CEP89: variants seen among roughly 807,000 people sequenced by gnomAD.
CEP89 encodes the protein centrosomal protein of 89 kDa.
Under a neutral mutation model 97.6 loss-of-function variants are expected in CEP89, and 95 were observed. The ratio of observed to expected loss-of-function variants is 0.97; its 90% CI spans 0.82 to 1.15. The LOEUF is 1.15. Among genes scored for constraint, CEP89 ranks in the 50% most tolerant of loss-of-function variants. The pLI is 0.00. For synonymous variants in CEP89, 354 were observed against 349.1 expected (o/e 1.01, Z -0.16); for missense variants, 869 against 947.7 (o/e 0.92, Z 1.09).
intron 4 of CEP89, among the ~76,000 whole-genome samples, chr19:32,949,800 G>A (rs955297398): frequency 6.6e-6 from 1 of 152,106 alleles, no homozygotes; most frequent in Non-Finnish European, 1.5e-5. Flanking sequence ...TAGCTGGGCT[G>A]CACTGCAGGC....
rs773669899 is a variant in CEP89 at position 32,879,261 on chromosome 19, A to C, written c.2253T>G (p.Ala751=). The C allele has an allele frequency of 8.7e-6, 14 of 1,614,176 alleles. No individual in the cohort carries two copies. The highest frequency in any genetic ancestry group is 1.2e-5 in the Non-Finnish European group (14 of 1,180,028). The part of the protein sequence containing the change: ...TRTGVQDNPR[A]LVAPSLNGVS... ...CGCCATTGAGGCTGGGGGCAACCAGAGCTCTGGGGTTGTCCTGCACGCCTG... is the reference window on the plus strand; with the variant it reads ...CGCCATTGAGGCTGGGGGCAACCAGCGCTCTGGGGTTGTCCTGCACGCCTG... The change falls in exon 19 of 19, where the codon GCT becomes GCG. Residue 751 remains alanine (A), a synonymous_variant. Coordinates refer to ENST00000305768, the MANE Select transcript of CEP89 (RefSeq NM_032816.5).
intron 12 of CEP89, 125 bp downstream of exon 12, chr19:32,923,313 CT>C (rs1259155801): frequency 3.9e-6 from 2 of 519,412 alleles, no homozygotes; most frequent in Non-Finnish European, 6.9e-6. Context: ...TTATTAATTT[CT>C]TAGAAACTCT....
rs552742475 is a variant in CEP89, at chr19:32,877,338, G to A, written c.*1824C>T. On this transcript the variant is annotated 3_prime_UTR_variant, in exon 19 of 19. Coordinates refer to ENST00000305768, the MANE Select transcript of CEP89 (RefSeq NM_032816.5). ...CTCCTTCCCACCTGAAACAAGGCAGGACTTCACTGCGAGGGGCTCTGAAAA... is the reference window on the plus strand; with the variant it reads ...CTCCTTCCCACCTGAAACAAGGCAGAACTTCACTGCGAGGGGCTCTGAAAA... The A allele has an allele frequency of 5.9e-5, 9 of 152,386 alleles. No individual in the cohort carries two copies. Among genetic ancestry groups the A allele is most frequent in the African/African-American group, 2.2e-4 (9 of 41,566 alleles). The allele number at this position is 152,386 out of a possible 1,614,324, so 9.4% of individuals were successfully genotyped here.
chr19:32,927,457 T>C (rs1970385107), intron 9 of CEP89, among the ~76,000 whole-genome samples: 1 of 152,168 alleles, frequency 6.6e-6, no homozygotes, highest in East Asian at 1.9e-4. Context: ...ATAGGCAGTG[T>C]GCCTAGAGTA....
chr19:32,965,315 C>T (rs999412398), intron 2 of CEP89, among the ~76,000 whole-genome samples: 2 of 152,026 alleles, frequency 1.3e-5, no homozygotes, highest in Non-Finnish European at 2.9e-5. Context: ...ACAGGAGGAT[C>T]GCTTGATGCT....
At chr19:32,931,301 A>T in intron 9 of CEP89, 128 bp downstream of exon 9, 1 of 809,692 alleles carries the variant, frequency 1.2e-6, no homozygotes, top group Non-Finnish European at 1.9e-6. Context: ...CCTTAGAAAC[A>T]TTGTGCCTTG....
intron 5 of CEP89, among the ~76,000 whole-genome samples, chr19:32,948,043 G>T (rs565938999): frequency 1.6e-4 from 24 of 152,276 alleles, no homozygotes; most frequent in African/African-American, 5.5e-4. Flanking sequence ...TTGAGCTCAA[G>T]GGATCCTCCA....
Position 32,878,971 on chromosome 19 carries a change from A to AAT in CEP89, c.*190_*191insAT, listed in dbSNP as rs1264638287. ...AGTGAGACCCTAGCTCTAAAAAAAA[A>AAT]AAAAAATTAAAAAATAAAGCAAAAT... On this transcript the variant is annotated 3_prime_UTR_variant, in exon 19 of 19. Coordinates refer to ENST00000305768, the MANE Select transcript of CEP89 (RefSeq NM_032816.5). 2.4e-4 allele frequency: 112 copies of AAT among 464,936 alleles called. 1 individual carries two copies. Among genetic ancestry groups the AAT allele is most frequent in the Non-Finnish European group, 3.2e-4 (84 of 266,146 alleles). The allele number at this position is 464,936 out of a possible 1,614,324, so 28.8% of individuals were successfully genotyped here. A position where few individuals can be genotyped will look rare whatever the true frequency, so the allele number is the denominator to read the frequency against.
At chr19:32,901,501 C>T in intron 14 of CEP89, 89 bp from the exon 15 acceptor site, 2 of 1,352,212 alleles carry the variant, frequency 1.5e-6, no homozygotes, top group Non-Finnish European at 1.0e-6. Context: ...GTGATAACAG[C>T]CCAGCCCTCC....
chr19:32,947,519 T>G (rs1970822141), intron 5 of CEP89, among the ~76,000 whole-genome samples: 1 of 152,118 alleles, frequency 6.6e-6, no homozygotes, highest in Non-Finnish European at 1.5e-5. Flanking sequence ...GAGATGGGGT[T>G]TCACTCTGTC....
chr19:32,887,906 T>G, intron 16 of CEP89, 65 bp from the exon 17 acceptor site: 1 of 968,238 alleles, frequency 1.0e-6, no homozygotes, highest in Non-Finnish European at 1.6e-6. Context: ...AAACAATTAT[T>G]TTGCAAAGAG....
Position 32,933,648 on chromosome 19 carries a change from T to C in CEP89, c.689A>G (p.Gln230Arg), listed in dbSNP as rs1970523289. 1 of 1,610,364 alleles carries C rather than the reference T, an allele frequency of 6.2e-7. No individual in the cohort carries two copies. The highest frequency in any genetic ancestry group is 1.3e-5 in the African/African-American group (1 of 74,868). The change falls in exon 8 of 19, where the codon CAA (glutamine) becomes CGA (arginine). Residue 230 changes from glutamine to arginine, a missense_variant. Gln to Arg is a conservative substitution (Grantham distance 43). Transcript: ENST00000305768. ...PSPDITGRAR[Q>R]RYTEITREKF... ...TTCTCTGGTTATTTCTGTATATCTT[T>C]GACGTGCTCTACCAGTTATATCTGA...
chr19:32,950,919 A>C (rs1970899135), intron 4 of CEP89, among the ~76,000 whole-genome samples: 1 of 152,214 alleles, frequency 6.6e-6, no homozygotes, highest in Non-Finnish European at 1.5e-5. Flanking sequence ...GTCTAATTAA[A>C]TGCATGTAAA....
intron 14 of CEP89, among the ~76,000 whole-genome samples, chr19:32,911,353 T>C (rs1415140029): frequency 1.3e-5 from 2 of 152,208 alleles, no homozygotes; most frequent in South Asian, 2.1e-4. Context: ...CTTCCTCTAC[T>C]ACAACAAAAA....
intron 14 of CEP89, among the ~76,000 whole-genome samples, chr19:32,902,864 A>G (rs2145890842): frequency 6.6e-6 from 1 of 152,372 alleles, no homozygotes; most frequent in South Asian, 2.1e-4. Flanking sequence ...AGGCAGAACA[A>G]TTTCTGACAT....
At chr19:32,960,146 C>T (rs1056844156) in intron 2 of CEP89, 88 bp from the exon 3 acceptor site, 65 of 1,404,714 alleles carry the variant, frequency 4.6e-5, no homozygotes, top group Non-Finnish European at 6.1e-5. Flanking sequence ...TCAAGGCTTA[C>T]CTTCTGCTGG....
chr19:32,956,049 C>CTTTT lies in CEP89; in HGVS notation c.306-2252_306-2249dup, dbSNP rs202179963. On this transcript the variant is annotated intron_variant, in intron 3 of 18. Coordinates refer to ENST00000305768, the MANE Select transcript of CEP89 (RefSeq NM_032816.5). ...CTGGTATGTCCATTCCAATTTGGTT[C>CTTTT]TTTTTTTTTTTTTTTTTTTTTTTTG... Among the ~76,000 whole-genome samples, 220 of 105,752 alleles carry CTTTT rather than the reference C, an allele frequency of 2.1e-3. 3 individuals carry two copies. The highest frequency in any genetic ancestry group is 5.3e-3 in the African/African-American group (143 of 27,152). 69.4% of individuals were successfully genotyped at this position (105,752 alleles called of 152,430 possible).
At position 32,918,355 on chromosome 19, in the gene CEP89, A is replaced by G. The variant is rs1247891626; in HGVS notation, c.1269-16T>C. 1 of 1,569,344 alleles carries G rather than the reference A, an allele frequency of 6.4e-7. No homozygotes were observed. Among genetic ancestry groups the G allele is most frequent in the African/African-American group, 1.4e-5 (1 of 74,042 alleles). On this transcript the variant is annotated splice_polypyrimidine_tract_variant and intron_variant, in intron 12 of 18. Transcript: ENST00000305768. ...AAGCTGACGCCTGCAATTGATTTAC[A>G]AGATGAAATACTGTGATTCAGGTGC...
chr19:32,891,557 A>G (rs1192570118), intron 16 of CEP89, among the ~76,000 whole-genome samples: 1 of 152,236 alleles, frequency 6.6e-6, no homozygotes, highest in East Asian at 1.9e-4. Context: ...AAAGAATTAA[A>G]AATAATGATA....
Sources: gnomAD v4.1 joint callset for allele counts (sites outside exome capture counted in the v4.1 genomes callset) on GRCh38, gnomAD v4.1.1 for gene constraint, MANE v1.5 for transcripts, NCBI Gene and HGNC (gene_info 2026-07-23, HGNC 2026-07-21) for gene names.